The following CCT3 variants were observed in gnomAD, a reference collection of about 807,000 sequenced individuals.
The protein encoded by CCT3 is T-complex protein 1 subunit gamma.
A neutral mutation model predicts 65.3 loss-of-function variants in CCT3; 10 were observed. That is an observed-to-expected ratio of 0.15 (90% CI 0.09 to 0.26). CCT3 has a LOEUF of 0.26. Among genes scored for constraint, CCT3 ranks in the 10% least tolerant of loss-of-function variants. CCT3 has a pLI of 1.00. For missense variants in CCT3, 626 were observed against 708.7 expected (o/e 0.88, Z 1.33); for synonymous variants, 225 against 242.3 (o/e 0.93, Z 0.66).
chr1:156,315,916 T>C (rs1052351824), intron 10 of CCT3, among the ~76,000 whole-genome samples: 1 of 152,144 alleles, frequency 6.6e-6, no homozygotes, highest in Non-Finnish European at 1.5e-5. Flanking sequence ...GTCTATACTA[T>C]ATAATGGTAA....
chr1:156,337,894 G>C lies in CCT3; in HGVS notation c.31+260C>G, dbSNP rs1196232650. On this transcript the variant is annotated intron_variant, in intron 1 of 13. Transcript: ENST00000295688. ...AAGCGTGGGGGCTGAGGGACAGAACGCGGAGTGGGAAAGAGCTTCCCAAGA... is the reference window on the plus strand; with the variant it reads ...AAGCGTGGGGGCTGAGGGACAGAACCCGGAGTGGGAAAGAGCTTCCCAAGA... The C allele has an allele frequency of 1.9e-5, 10 of 533,696 alleles. No homozygotes were observed. The Admixed American group carries it at 2.7e-4, about 14-fold the overall frequency. 33.1% of individuals were successfully genotyped at this position (533,696 alleles called of 1,614,324 possible).
intron 12 of CCT3, 52 bp from the exon 13 acceptor site, chr1:156,310,741 G>A: frequency 6.3e-7 from 1 of 1,598,488 alleles, no homozygotes; most frequent in South Asian, 1.1e-5. Context: ...GGAAACATCA[G>A]GTAAGAAATG....
At chr1:156,338,062 G>C in intron 1 of CCT3, 92 bp downstream of exon 1, 1 of 1,381,142 alleles carries the variant, frequency 7.2e-7, no homozygotes, top group South Asian at 1.2e-5. Flanking sequence ...TCAGTGGCCC[G>C]GTCAGTGGGG....
chr1:156,327,007 A>G (rs1218605210), intron 5 of CCT3, among the ~76,000 whole-genome samples: 1 of 152,154 alleles, frequency 6.6e-6, no homozygotes, highest in Admixed American at 6.5e-5. Context: ...GACTGTGCCC[A>G]GGCACCCCAG....
Position 156,309,091 on chromosome 1 carries a change from C to T in CCT3, c.*108G>A. 1.3e-6 allele frequency: 1 copy of T among 765,544 alleles called. No homozygotes were observed. 47.4% of individuals were successfully genotyped at this position (765,544 alleles called of 1,614,324 possible). ...CAGAAAGGGACTGGGGGCTGCCCCC[C>T]AACCTGATCCCTTCTGAACAAAGAC... On this transcript the variant is annotated 3_prime_UTR_variant, in exon 14 of 14. Transcript: ENST00000295688.
intron 5 of CCT3, among the ~76,000 whole-genome samples, chr1:156,327,121 C>T (rs1450479689): frequency 6.6e-6 from 1 of 152,092 alleles, no homozygotes; most frequent in Non-Finnish European, 1.5e-5. Flanking sequence ...TAGATGCAAA[C>T]CCACACACAA....
intron 4 of CCT3, among the ~76,000 whole-genome samples, chr1:156,334,271 C>A (rs1466953739): frequency 6.6e-6 from 1 of 151,074 alleles, no homozygotes; most frequent in East Asian, 1.9e-4. Context: ...ATGTTGAAGT[C>A]ATAACTCCCA....
At chr1:156,334,608 G>A (rs1288211560) in intron 4 of CCT3, 105 bp downstream of exon 4, 35 of 1,008,626 alleles carry the variant, frequency 3.5e-5, no homozygotes, top group Non-Finnish European at 4.8e-5. Flanking sequence ...CTGGTAATCT[G>A]TTATAGCAGC....
chr1:156,327,408 AGCCTGCCGAGT>A (rs1253648421), intron 5 of CCT3, among the ~76,000 whole-genome samples: 1 of 151,972 alleles, frequency 6.6e-6, no homozygotes, highest in Non-Finnish European at 1.5e-5. Flanking sequence ...CTCCTGCCTC[AGCCTGCCGAGT>A]GCCTGCGATT....
rs765184413 is a variant in CCT3 at position 156,334,943 on chromosome 1, C to T, written c.94-25G>A. 2.0e-5 allele frequency: 32 copies of T among 1,609,892 alleles called. No individual in the cohort carries two copies. The East Asian group carries it at 4.7e-4, about 24-fold the overall frequency. The stretch of plus-strand genomic sequence containing the variant: ...TCTAATGGAAAGGGAACATAAAATA[C>T]GCAAGCACAAATCAGAGGACAGTGT... On this transcript the variant is annotated intron_variant, in intron 2 of 13. Transcript: ENST00000295688.
chr1:156,313,350 G>GAAAAAAAAAA (rs58926932), intron 10 of CCT3, among the ~76,000 whole-genome samples: 61 of 106,760 alleles, frequency 5.7e-4, no homozygotes, highest in Admixed American at 9.1e-4. Context: ...AAAAAAAAAA[G>GAAAAAAAAAA]AAAAAAAAAA....
intron 5 of CCT3, among the ~76,000 whole-genome samples, chr1:156,325,302 A>C (rs1664752699): frequency 6.6e-6 from 1 of 152,178 alleles, no homozygotes; most frequent in Non-Finnish European, 1.5e-5. Context: ...ATGGTGGCTC[A>C]TACCTGTAAT....
rs1034240962 is a variant in CCT3, at chr1:156,325,185, G to T, written c.305-96C>A. On this transcript the variant is annotated intron_variant, in intron 5 of 13. Coordinates refer to ENST00000295688, the MANE Select transcript of CCT3 (RefSeq NM_005998.5). ...TTCCAAAAAATACTCTCCTAAATCAGACTCTCCCAAAAGGTATGACATTTG... is the reference window on the plus strand; with the variant it reads ...TTCCAAAAAATACTCTCCTAAATCATACTCTCCCAAAAGGTATGACATTTG... 4 of 870,064 alleles carry T rather than the reference G, an allele frequency of 4.6e-6. No individual in the cohort carries two copies. The African/African-American group carries it at 4.9e-5, about 11-fold the overall frequency. The allele number at this position is 870,064 out of a possible 1,614,324, so 53.9% of individuals were successfully genotyped here.
chr1:156,337,909 G>A (rs1665512951), intron 1 of CCT3: 2 of 554,932 alleles, frequency 3.6e-6, no homozygotes, highest in South Asian at 2.4e-5. Context: ...GTGGGAAAGA[G>A]CTTCCCAAGA....
At chr1:156,329,596 C>T (rs1002781352) in intron 5 of CCT3, among the ~76,000 whole-genome samples, 3 of 151,814 alleles carry the variant, frequency 2.0e-5, no homozygotes, top group Admixed American at 1.3e-4. Context: ...TAAGCCACCG[C>T]GCCCAGCCCA....
intron 6 of CCT3, among the ~76,000 whole-genome samples, chr1:156,321,700 C>A (rs966818595): frequency 6.6e-6 from 1 of 151,946 alleles, no homozygotes; most frequent in African/African-American, 2.4e-5. Flanking sequence ...ATGGTGAAAC[C>A]CCATCTCTAT....
At chr1:156,324,940 T>C (rs948420367) in intron 6 of CCT3, 32 bp downstream of exon 6, 14 of 1,429,972 alleles carry the variant, frequency 9.8e-6, no homozygotes, top group Non-Finnish European at 1.3e-5. Flanking sequence ...CCTCTCATAT[T>C]TGATACTACC....
At position 156,322,400 on chromosome 1, in the gene CCT3, G is replaced by C. The variant is rs192293540; in HGVS notation, c.423-1375C>G. Reference sequence around the variant, plus strand: ...TAGTCCCAGCTACTTGGGAGGCTGAGACAGAATTGCTTGAACCGAAGAGGC... The same window carrying C: ...TAGTCCCAGCTACTTGGGAGGCTGACACAGAATTGCTTGAACCGAAGAGGC... On this transcript the variant is annotated intron_variant, in intron 6 of 13. Transcript: ENST00000295688. Among the ~76,000 whole-genome samples, 443 of 152,150 alleles carry C rather than the reference G, an allele frequency of 2.9e-3. 4 individuals are homozygous for C. Among genetic ancestry groups the C allele is most frequent in the South Asian group, 8.3e-3 (40 of 4,818 alleles).
At chr1:156,322,494 C>T (rs1664598384) in intron 6 of CCT3, among the ~76,000 whole-genome samples, 1 of 151,782 alleles carries the variant, frequency 6.6e-6, no homozygotes. Flanking sequence ...AGACCCCCCG[C>T]CACCCCAAAA....
Sources: gnomAD v4.1 joint callset for allele counts (sites outside exome capture counted in the v4.1 genomes callset) on GRCh38, gnomAD v4.1.1 for gene constraint, MANE v1.5 for transcripts, NCBI Gene and HGNC (gene_info 2026-07-23, HGNC 2026-07-21) for gene names.